The following MYH15 variants were observed in gnomAD, a reference collection of about 807,000 sequenced individuals.
The protein encoded by MYH15 is myosin heavy chain 15.
In MYH15, 227 loss-of-function variants were observed where a neutral mutation model predicts 240.5. The observed-to-expected ratio is 0.94, with a 90% CI of 0.85 to 1.05. The LOEUF (loss-of-function observed/expected upper bound fraction) is 1.05. Ranked by LOEUF, MYH15 falls within the 50% of genes least tolerant of loss-of-function variation. The probability of loss-of-function intolerance (pLI) is 0.00; values close to 1 mark genes in which losing one functional copy is unlikely to be tolerated. For synonymous variants in MYH15, 785 were observed against 796.7 expected, an observed-to-expected ratio of 0.99 and a Z score of 0.25; for missense variants, 2,217 against 2,247.5, an observed-to-expected ratio of 0.99 and a Z score of 0.27.
At chr3:108,456,654 TTGTAGTC>T (rs1313703074) in intron 19 of MYH15, 105 bp downstream of exon 19, 69 of 733,572 alleles carry the variant, frequency 9.4e-5, no homozygotes, top group Middle Eastern at 2.4e-4. Flanking sequence ...ACACATCGAT[TTGTAGTC>T]TGGAGGACAT....
intron 40 of MYH15, among the ~76,000 whole-genome samples, chr3:108,382,805 T>C (rs1395638349): frequency 1.3e-5 from 2 of 152,162 alleles, no homozygotes; most frequent in Non-Finnish European, 2.9e-5. Flanking sequence ...TGCCTAACTA[T>C]GCCAGAAGCT....
chr3:108,541,206 A>G, the MYH15 span, among the ~76,000 whole-genome samples: 1 of 152,020 alleles, frequency 6.6e-6, no homozygotes, highest in Non-Finnish European at 1.5e-5. Flanking sequence ...TCTAAAATAA[A>G]TAATATAGAA....
intron 12 of MYH15, among the ~76,000 whole-genome samples, chr3:108,475,059 T>C (rs1576257105): frequency 1.3e-5 from 2 of 152,312 alleles, no homozygotes; most frequent in East Asian, 3.9e-4. Flanking sequence ...TGATCAGTCA[T>C]TTAAATGTTT....
At chr3:108,506,510 C>T (rs1485199033) in intron 1 of MYH15, among the ~76,000 whole-genome samples, 1 of 152,122 alleles carries the variant, frequency 6.6e-6, no homozygotes, top group Non-Finnish European at 1.5e-5. Context: ...GTGAAATGAG[C>T]CAGAACTCTT....
chr3:108,466,023 C>T (rs1374393145), intron 14 of MYH15, among the ~76,000 whole-genome samples: 1 of 152,212 alleles, frequency 6.6e-6, no homozygotes, highest in Non-Finnish European at 1.5e-5. Flanking sequence ...CTGTCAGACC[C>T]TTGCCATCCA....
chr3:108,459,512 C>G, intron 17 of MYH15, 63 bp from the exon 18 acceptor site: 1 of 921,750 alleles, frequency 1.1e-6, no homozygotes, highest in Non-Finnish European at 1.7e-6. Context: ...ACCAATCCAC[C>G]TCACAAATGT....
intron 33 of MYH15, among the ~76,000 whole-genome samples, chr3:108,400,132 C>A (rs934329994): frequency 6.6e-5 from 10 of 152,168 alleles, no homozygotes; most frequent in African/African-American, 1.9e-4. Context: ...ACTCTCCCTT[C>A]CCCCTTTCTA....
At chr3:108,551,057 A>G in the MYH15 span, 2 of 570,052 alleles carry the variant, frequency 3.5e-6, no homozygotes, top group South Asian at 8.3e-5. Context: ...ATTGTTACGA[A>G]GTCACAAATT....
intron 8 of MYH15, 81 bp from the exon 9 acceptor site, chr3:108,492,676 G>A (rs1183055687): frequency 5.0e-6 from 5 of 1,004,164 alleles, no homozygotes; most frequent in Non-Finnish European, 7.6e-6. Flanking sequence ...GCTGAGCGCA[G>A]TGGCTCACAA....
chr3:108,468,567 A>C (rs2083142317), intron 14 of MYH15, among the ~76,000 whole-genome samples: 1 of 152,196 alleles, frequency 6.6e-6, no homozygotes, highest in African/African-American at 2.4e-5. Flanking sequence ...ATCCTGTTAA[A>C]ATTGTTTGTA....
At position 108,493,112 on chromosome 3, in the gene MYH15, A is replaced by G. The variant is rs1161830901; in HGVS notation, c.775+2T>C. 4.3e-6 allele frequency: 7 copies of G among 1,613,670 alleles called. No individual in the cohort carries two copies. Among genetic ancestry groups the G allele is most frequent in the Admixed American group, 1.7e-5 (1 of 60,010 alleles). On this transcript the variant is annotated splice_donor_variant, in intron 8 of 40. Coordinates refer to ENST00000693548, the MANE Select transcript of MYH15 (RefSeq NM_014981.3). LOFTEE classifies it high-confidence loss of function. ...TAATCAGACAGTGCAATGACTACTT[A>G]CAGATATCAATGTCCACAGATGACA...
Position 108,428,806 on chromosome 3 carries a change from C to T in MYH15, c.3388G>A (p.Asp1130Asn). 6.2e-7 allele frequency: 1 copy of T among 1,614,082 alleles called. No homozygotes were observed. Among genetic ancestry groups the T allele is most frequent in the Non-Finnish European group, 8.5e-7 (1 of 1,180,002 alleles). ...TRAKMERERA[D>N]LTQDLADLNE... ...AAGTCAGCCAGGTCTTGGGTGAGGT[C>T]AGCTCTCTCCCTTTCCATCTTGGCT... The change falls in exon 27 of 41, where the codon GAC (aspartate) becomes AAC (asparagine). Residue 1130 changes from aspartate (D) to asparagine (N), a missense_variant. Transcript: ENST00000693548.
At chr3:108,499,628 C>T (rs1040168489) in intron 4 of MYH15, 146 bp from the exon 5 acceptor site, 24 of 775,700 alleles carry the variant, frequency 3.1e-5, no homozygotes, top group Non-Finnish European at 4.9e-5. Context: ...AAACATACCC[C>T]TCAAATGGTA....
chr3:108,437,524 C>G, intron 25 of MYH15, 30 bp downstream of exon 25: 1 of 1,601,554 alleles, frequency 6.2e-7, no homozygotes, highest in South Asian at 1.1e-5. Flanking sequence ...AGGTCTCCAG[C>G]AATCTCATGT....
intron 11 of MYH15, among the ~76,000 whole-genome samples, chr3:108,478,710 T>G (rs887247486): frequency 3.3e-5 from 5 of 152,166 alleles, no homozygotes; most frequent in Non-Finnish European, 7.3e-5. Context: ...CATTTGTTTT[T>G]TCTAAGCTTT....
chr3:108,439,510 T>C, intron 24 of MYH15, among the ~76,000 whole-genome samples: 1 of 152,164 alleles, frequency 6.6e-6, no homozygotes, highest in Admixed American at 6.6e-5. Context: ...TTGCCCAGGG[T>C]TGAATGAAAA....
At chr3:108,546,404 T>A in the MYH15 span, among the ~76,000 whole-genome samples, 1 of 152,186 alleles carries the variant, frequency 6.6e-6, no homozygotes, top group Non-Finnish European at 1.5e-5. Context: ...GAAGATAATG[T>A]AATGGAGAGG....
Position 108,460,290 on chromosome 3 carries a change from T to C in MYH15, c.1932+10A>G. The C allele has an allele frequency of 6.3e-7, 1 of 1,580,120 alleles. No individual in the cohort carries two copies. Among genetic ancestry groups the C allele is most frequent in the Non-Finnish European group, 8.6e-7 (1 of 1,164,132 alleles). ...CAATTAATATATGAATAGACGCAAT[T>C]AAAAATTACTTTATGCAGAGATGCA... On this transcript the variant is annotated intron_variant, in intron 17 of 40. Transcript: ENST00000693548.
chr3:108,383,570 G>T (rs768526867), intron 40 of MYH15, 25 bp downstream of exon 40: 2 of 1,609,600 alleles, frequency 1.2e-6, no homozygotes, highest in East Asian at 2.2e-5. Flanking sequence ...TAAAGAGTTA[G>T]AACAGAGTTG....
Sources: gnomAD v4.1 joint callset for allele counts (sites outside exome capture counted in the v4.1 genomes callset) on GRCh38, gnomAD v4.1.1 for gene constraint, MANE v1.5 for transcripts, NCBI Gene and HGNC (gene_info 2026-07-23, HGNC 2026-07-21) for gene names.